Variants in HMCN1 observed in about 807,000 individuals in gnomAD.
HMCN1 encodes the protein hemicentin-1.
HMCN1 carries 321 observed loss-of-function variants against 625.9 expected under a neutral mutation model. The ratio of observed to expected loss-of-function variants is 0.51; its 90% CI spans 0.47 to 0.56. HMCN1 has a LOEUF of 0.56. HMCN1 is among the 20% of genes least tolerant of loss of function. HMCN1 has a pLI of 0.00. For synonymous variants in HMCN1, 2,425 were observed against 2,417.6 expected, an observed-to-expected ratio of 1.00 and a Z score of -0.09; for missense variants, 6,588 against 6,887.3, an observed-to-expected ratio of 0.96 and a Z score of 1.54.
rs1654401338 is a variant in HMCN1 at position 186,016,852 on chromosome 1, C to T, written c.5192-111C>T. On this transcript the variant is annotated intron_variant, in intron 32 of 106. Coordinates refer to ENST00000271588, the MANE Select transcript of HMCN1 (RefSeq NM_031935.3). Reference sequence around the variant, plus strand: ...TTTCAAGTCCCCTTCATGTATCAAACCACTATGATACCTATCAATCTTCTG... The same window carrying T: ...TTTCAAGTCCCCTTCATGTATCAAATCACTATGATACCTATCAATCTTCTG... 5 of 742,564 alleles carry T rather than the reference C, an allele frequency of 6.7e-6. No individual in the cohort carries two copies. In the Admixed American group the frequency reaches 8.8e-5, roughly 13 times the overall value. 46.0% of individuals were successfully genotyped at this position (742,564 alleles called of 1,614,324 possible). A position where few individuals can be genotyped will look rare whatever the true frequency, so the allele number is the denominator to read the frequency against.
intron 104 of HMCN1, among the ~76,000 whole-genome samples, chr1:186,180,827 T>C (rs1047555508): frequency 1.3e-5 from 2 of 152,166 alleles, no homozygotes; most frequent in African/African-American, 4.8e-5. Flanking sequence ...TTTTATAGTA[T>C]TGGGACTAAT....
At chr1:185,893,482 G>A (rs930591333) in intron 4 of HMCN1, among the ~76,000 whole-genome samples, 5 of 152,280 alleles carry the variant, frequency 3.3e-5, no homozygotes, top group Non-Finnish European at 7.4e-5. Flanking sequence ...GAAAATCAGT[G>A]TGTACTGTAT....
intron 1 of HMCN1, among the ~76,000 whole-genome samples, chr1:185,785,412 C>T (rs921760100): frequency 2.0e-5 from 3 of 152,220 alleles, no homozygotes; most frequent in East Asian, 1.9e-4. Context: ...AATTGTGCCT[C>T]GTCCTTAATT....
intron 93 of HMCN1, among the ~76,000 whole-genome samples, chr1:186,149,643 T>G (rs758068570): frequency 3.3e-5 from 5 of 152,256 alleles, no homozygotes; most frequent in South Asian, 2.1e-4. Flanking sequence ...AACTCTTTGA[T>G]GCAAGAGGCC....
chr1:185,945,656 G>C (rs181716083), intron 11 of HMCN1, among the ~76,000 whole-genome samples: 501 of 152,312 alleles, frequency 3.3e-3, no homozygotes, highest in African/African-American at 0.012. Flanking sequence ...TATGCCTCAG[G>C]TATCCACTAG....
intron 11 of HMCN1, among the ~76,000 whole-genome samples, chr1:185,960,286 G>A (rs992928409): frequency 8.6e-5 from 13 of 151,688 alleles, no homozygotes; most frequent in Admixed American, 4.6e-4. Context: ...GCACCACCAC[G>A]CCCAGCTAAT....
At chr1:185,991,344 T>G (rs1004157062) in intron 22 of HMCN1, among the ~76,000 whole-genome samples, 1 of 152,188 alleles carries the variant, frequency 6.6e-6, no homozygotes, top group Non-Finnish European at 1.5e-5. Context: ...TTTTGAATGT[T>G]TTTTAGTAAA....
chr1:186,117,632 A>C lies in HMCN1; in HGVS notation c.11848+9A>C, dbSNP rs1661199203. ...TAGAATTCTGTCCTCAGGTAAGACC[A>C]AGCTCAGTGATTTCACATCTATTGA... On this transcript the variant is annotated intron_variant, in intron 77 of 106. Transcript: ENST00000271588. The C allele has an allele frequency of 6.2e-7, 1 of 1,611,684 alleles. No homozygotes were observed. Among genetic ancestry groups the C allele is most frequent in the Non-Finnish European group, 8.5e-7 (1 of 1,177,986 alleles).
chr1:185,769,412 A>G (rs1259289655), intron 1 of HMCN1, among the ~76,000 whole-genome samples: 1 of 152,184 alleles, frequency 6.6e-6, no homozygotes, highest in African/African-American at 2.4e-5. Flanking sequence ...GTGCCACTGC[A>G]TACCAGCCTG....
rs116715026 is a variant in HMCN1 at position 186,040,557 on chromosome 1, T to C, written c.6181-456T>C. 9.2e-3 allele frequency among the ~76,000 whole-genome samples: 1,397 copies of C among 152,278 alleles called. 24 individuals carry two copies. The highest frequency in any genetic ancestry group is 0.032 in the African/African-American group (1,346 of 41,572). On this transcript the variant is annotated intron_variant, in intron 39 of 106. Coordinates refer to ENST00000271588, the MANE Select transcript of HMCN1 (RefSeq NM_031935.3). ...AGAAGATCCAGAGTTAATGTCAATA[T>C]TTTAGAAATACAACTGAATCCATGG...
intron 48 of HMCN1, among the ~76,000 whole-genome samples, chr1:186,063,302 T>C (rs2102317255): frequency 6.6e-6 from 1 of 151,330 alleles, no homozygotes; most frequent in Middle Eastern, 3.4e-3. Context: ...CATTTGAAAT[T>C]AAATTCTAGT....
intron 30 of HMCN1, among the ~76,000 whole-genome samples, chr1:186,009,772 T>C (rs142985805): frequency 6.6e-6 from 1 of 152,234 alleles, no homozygotes; most frequent in Non-Finnish European, 1.5e-5. Context: ...AGTTTTAATA[T>C]CCTATCAGGA....
At chr1:185,802,862 G>A (rs1571374330) in intron 1 of HMCN1, among the ~76,000 whole-genome samples, 1 of 152,116 alleles carries the variant, frequency 6.6e-6, no homozygotes, top group Non-Finnish European at 1.5e-5. Context: ...TGGAATGATA[G>A]TGAAAGAGAA....
chr1:185,938,157 G>A (rs1306680150), intron 11 of HMCN1, among the ~76,000 whole-genome samples: 1 of 151,980 alleles, frequency 6.6e-6, no homozygotes, highest in Non-Finnish European at 1.5e-5. Flanking sequence ...AAAATTTATA[G>A]GAGTTTAGGA....
At chr1:185,859,739 C>T (rs1662744944) in intron 2 of HMCN1, among the ~76,000 whole-genome samples, 1 of 152,188 alleles carries the variant, frequency 6.6e-6, no homozygotes, top group East Asian at 1.9e-4. Flanking sequence ...GATCTCGATT[C>T]ACTGCAACCT....
Position 186,082,866 on chromosome 1 carries a change from T to A in HMCN1, c.8789T>A (p.Ile2930Asn). 1.3e-6 allele frequency: 2 copies of A among 1,567,642 alleles called. No homozygotes were observed. Among genetic ancestry groups the A allele is most frequent in the East Asian group, 4.6e-5 (2 of 43,472 alleles). Residue 2930 changes from isoleucine to asparagine, a missense_variant and splice_region_variant, in exon 57 of 107, where the codon ATT becomes AAT. By Grantham distance (149) the Ile-to-Asn change is moderately radical. Transcript: ENST00000271588. ...KFLSNGRILQ[I>N]LNTQITDIGR... Reference sequence around the variant, plus strand: ...GGAATTTCTTCATTTTTCCCTTAGATTCTGAATACTCAAATAACAGATATC... The same window carrying A: ...GGAATTTCTTCATTTTTCCCTTAGAATCTGAATACTCAAATAACAGATATC...
At chr1:186,071,272 A>T (rs1013566326) in intron 52 of HMCN1, among the ~76,000 whole-genome samples, 1 of 152,294 alleles carries the variant, frequency 6.6e-6, no homozygotes, top group South Asian at 2.1e-4. Flanking sequence ...TACAAAAGGT[A>T]ATGTTTTAAA....
intron 1 of HMCN1, among the ~76,000 whole-genome samples, chr1:185,775,715 A>G (rs903612478): frequency 1.3e-5 from 2 of 152,224 alleles, no homozygotes; most frequent in Non-Finnish European, 2.9e-5. Context: ...AGCCTGAAGC[A>G]TGTGAATTGG....
At chr1:186,126,772 T>C (rs1048958027) in intron 82 of HMCN1, among the ~76,000 whole-genome samples, 9 of 152,184 alleles carry the variant, frequency 5.9e-5, no homozygotes, top group African/African-American at 2.2e-4. Context: ...ATGTCGGGTC[T>C]TACAGGTCAT....
Sources: allele counts gnomAD v4.1 joint callset (sites outside exome capture counted in the v4.1 genomes callset), GRCh38; gene constraint gnomAD v4.1.1; transcripts MANE v1.5; gene names NCBI Gene and HGNC (gene_info 2026-07-23, HGNC 2026-07-21).